The following LMBR1 variants were observed in gnomAD, a reference collection of about 807,000 sequenced individuals.
LMBR1 encodes limb region 1 protein homolog.
Under a neutral mutation model 73.9 loss-of-function variants are expected in LMBR1, and 52 were observed. That is an observed-to-expected ratio of 0.70 (90% CI 0.56 to 0.89). The LOEUF is 0.89. LMBR1 is among the 40% of genes least tolerant of loss of function. The pLI is 0.00. For missense variants in LMBR1, 539 were observed against 579.8 expected, an observed-to-expected ratio of 0.93 and a Z score of 0.72; for synonymous variants, 215 against 209.4, an observed-to-expected ratio of 1.03 and a Z score of -0.23.
chr7:156,831,270 C>A (rs891855270), intron 3 of LMBR1, among the ~76,000 whole-genome samples: 3 of 113,576 alleles, frequency 2.6e-5, no homozygotes, highest in Non-Finnish European at 5.4e-5. Context: ...AGCACCCTAC[C>A]CTAGATTTTT....
At chr7:156,827,898 G>A (rs972509525) in intron 3 of LMBR1, among the ~76,000 whole-genome samples, 6 of 152,062 alleles carry the variant, frequency 3.9e-5, no homozygotes, top group African/African-American at 7.2e-5. Context: ...TGATACTTAA[G>A]AAAAATACAA....
chr7:156,796,025 G>A (rs1000456064), intron 5 of LMBR1, among the ~76,000 whole-genome samples: 2 of 152,074 alleles, frequency 1.3e-5, no homozygotes, highest in Non-Finnish European at 2.9e-5. Context: ...GACTGTTAAC[G>A]TATGGAATAA....
intron 5 of LMBR1, among the ~76,000 whole-genome samples, chr7:156,772,846 A>G (rs1300342005): frequency 6.8e-6 from 1 of 147,234 alleles, no homozygotes; most frequent in South Asian, 2.3e-4. Flanking sequence ...CGAAAAGAGA[A>G]GAGAGGAGAG....
At chr7:156,727,873 G>A in intron 12 of LMBR1, 57 bp downstream of exon 12, 1 of 1,167,420 alleles carries the variant, frequency 8.6e-7, no homozygotes, top group East Asian at 2.4e-5. Context: ...AAATACTCAG[G>A]GTATAGACAT....
At chr7:156,696,988 T>TG in intron 15 of LMBR1, among the ~76,000 whole-genome samples, 1 of 152,300 alleles carries the variant, frequency 6.6e-6, no homozygotes, top group Non-Finnish European at 1.5e-5. Context: ...GGGGATATAT[T>TG]GGGGGACCCT....
At chr7:156,875,578 G>C (rs1007885749) in intron 1 of LMBR1, among the ~76,000 whole-genome samples, 1 of 152,078 alleles carries the variant, frequency 6.6e-6, no homozygotes, top group South Asian at 2.1e-4. Context: ...AAAAGCACCA[G>C]GTAACCTACA....
intron 9 of LMBR1, among the ~76,000 whole-genome samples, chr7:156,751,698 A>G (rs1820911888): frequency 6.6e-6 from 1 of 152,232 alleles, no homozygotes; most frequent in African/African-American, 2.4e-5. Flanking sequence ...ACAGCTTTGC[A>G]GAAGGAATCC....
At position 156,804,575 on chromosome 7, in the gene LMBR1, T is replaced by C. The variant is rs1464026550; in HGVS notation, c.320-8083A>G. Among the ~76,000 whole-genome samples, 3 of 152,230 alleles carry C rather than the reference T, an allele frequency of 2.0e-5. No homozygotes were observed. In the East Asian group the frequency reaches 5.8e-4, roughly 29 times the overall value. ...GGTACACAGGAATATCTTATTGCTG[T>C]TTTAATTCCCATTTATCTAATAAAT... On this transcript the variant is annotated intron_variant, in intron 4 of 16. Coordinates refer to ENST00000353442, the MANE Select transcript of LMBR1 (RefSeq NM_022458.4).
At chr7:156,757,349 A>C (rs1441763803) in intron 8 of LMBR1, among the ~76,000 whole-genome samples, 1 of 152,238 alleles carries the variant, frequency 6.6e-6, no homozygotes, top group Non-Finnish European at 1.5e-5. Flanking sequence ...ACACTCCATG[A>C]ATATTAAAGA....
intron 5 of LMBR1, among the ~76,000 whole-genome samples, chr7:156,794,664 T>C (rs930545401): frequency 1.3e-5 from 2 of 152,182 alleles, no homozygotes; most frequent in African/African-American, 4.8e-5. Flanking sequence ...ATGTCAAATA[T>C]GAAAATATAG....
At chr7:156,672,017 C>T (rs1283624443) in intron 4 of LMBR1, among the ~76,000 whole-genome samples, 2 of 151,948 alleles carry the variant, frequency 1.3e-5, no homozygotes, top group Non-Finnish European at 2.9e-5. Flanking sequence ...GGAATATTTG[C>T]GTCTGCCATG....
At chr7:156,751,743 T>C (rs1431994504) in intron 9 of LMBR1, among the ~76,000 whole-genome samples, 1 of 152,178 alleles carries the variant, frequency 6.6e-6, no homozygotes, top group African/African-American at 2.4e-5. Flanking sequence ...TCCAAGGATT[T>C]GGCCTGAGTA....
intron 11 of LMBR1, 38 bp downstream of exon 11, chr7:156,728,606 T>C (rs1816230525): frequency 1.4e-6 from 2 of 1,414,682 alleles, no homozygotes; most frequent in African/African-American, 1.4e-5. Flanking sequence ...AAATAAAATA[T>C]AATTTGCTTT....
At chr7:156,817,325 A>T (rs1295064164) in intron 4 of LMBR1, among the ~76,000 whole-genome samples, 4 of 152,218 alleles carry the variant, frequency 2.6e-5, no homozygotes, top group African/African-American at 7.2e-5. Context: ...AAAGTTCAAT[A>T]TTTCAGTAGA....
At chr7:156,734,846 CT>C (rs1817555788) in intron 9 of LMBR1, among the ~76,000 whole-genome samples, 1 of 152,160 alleles carries the variant, frequency 6.6e-6, no homozygotes. Flanking sequence ...GCTTCCATAC[CT>C]TTCTTCACAT....
At chr7:156,807,419 G>T (rs1029233900) in intron 4 of LMBR1, among the ~76,000 whole-genome samples, 1 of 152,048 alleles carries the variant, frequency 6.6e-6, no homozygotes, top group Non-Finnish European at 1.5e-5. Flanking sequence ...AATAGTTTTT[G>T]CCTGTTAAGG....
At chr7:156,687,708 C>T (rs762036519) in intron 16 of LMBR1, among the ~76,000 whole-genome samples, 1 of 152,146 alleles carries the variant, frequency 6.6e-6, no homozygotes, top group African/African-American at 2.4e-5. Flanking sequence ...ATCCTCACCA[C>T]CACCATGACC....
intron 1 of LMBR1, among the ~76,000 whole-genome samples, chr7:156,852,341 C>A (rs551418272): frequency 6.6e-6 from 1 of 152,118 alleles, no homozygotes; most frequent in East Asian, 1.9e-4. Context: ...CCAAGCATTA[C>A]AGAAATCACT....
chr7:156,822,354 G>A (rs1158549108), intron 4 of LMBR1: 1 of 152,108 alleles, frequency 6.6e-6, no homozygotes, highest in African/African-American at 2.4e-5. Flanking sequence ...ATAGATAAAA[G>A]ACTGAGACTC....
Sources: gnomAD v4.1 joint callset for allele counts (sites outside exome capture counted in the v4.1 genomes callset) on GRCh38, gnomAD v4.1.1 for gene constraint, MANE v1.5 for transcripts, NCBI Gene and HGNC (gene_info 2026-07-23, HGNC 2026-07-21) for gene names.